PTH2R: variants seen among roughly 807,000 people sequenced by gnomAD.
The protein encoded by PTH2R is PTH2 receptor.
PTH2R carries 59 observed loss-of-function variants against 60.3 expected under a neutral mutation model. That is an observed-to-expected ratio of 0.98 (90% CI 0.79 to 1.22). The LOEUF is 1.22. Ranked by LOEUF, PTH2R falls within the 50% of genes most tolerant of loss-of-function variation. The probability of loss-of-function intolerance (pLI) is 0.00; values close to 1 mark genes in which losing one functional copy is unlikely to be tolerated. For synonymous variants in PTH2R, 256 were observed against 243.8 expected, an observed-to-expected ratio of 1.05 and a Z score of -0.47; for missense variants, 749 against 682.6, an observed-to-expected ratio of 1.10 and a Z score of -1.08.
At chr2:208,391,747 C>T (rs1429364353) in intron 1 of PTH2R, among the ~76,000 whole-genome samples, 2 of 152,194 alleles carry the variant, frequency 1.3e-5, no homozygotes, top group African/African-American at 4.8e-5. Context: ...GCTTAATCCG[C>T]TCTTTCCCTA....
At chr2:208,490,588 T>A in intron 11 of PTH2R, 51 bp from the exon 12 acceptor site, 1 of 1,580,398 alleles carries the variant, frequency 6.3e-7, no homozygotes. Context: ...GATGCTTAAG[T>A]GCTGTGAGTT....
chr2:208,459,799 G>A, intron 8 of PTH2R, 96 bp from the exon 9 acceptor site: 1 of 936,326 alleles, frequency 1.1e-6, no homozygotes, highest in African/African-American at 1.7e-5. Flanking sequence ...AATTGGAAGT[G>A]TGGGGTTGGA....
At chr2:208,481,280 A>C in intron 10 of PTH2R, 116 bp downstream of exon 10, 1 of 512,192 alleles carries the variant, frequency 2.0e-6, no homozygotes, top group Non-Finnish European at 3.3e-6. Flanking sequence ...GTGCAATGGC[A>C]CAATCTCGGC....
intron 1 of PTH2R, among the ~76,000 whole-genome samples, chr2:208,377,703 G>T (rs921339870): frequency 1.3e-5 from 2 of 150,836 alleles, no homozygotes; most frequent in Non-Finnish European, 3.0e-5. Context: ...AGACGGGGTG[G>T]CCGGGCAGAG....
At chr2:208,426,860 A>G (rs898011138) in intron 1 of PTH2R, among the ~76,000 whole-genome samples, 30 of 152,168 alleles carry the variant, frequency 2.0e-4, no homozygotes, top group African/African-American at 6.5e-4. Flanking sequence ...GTGAGAATGG[A>G]CTAATACAAT....
chr2:208,384,246 G>A (rs951460159), intron 1 of PTH2R, among the ~76,000 whole-genome samples: 1 of 152,194 alleles, frequency 6.6e-6, no homozygotes, highest in Admixed American at 6.5e-5. Context: ...TTGGTAGAAA[G>A]AGACGGGGAG....
At chr2:208,391,714 G>A (rs1273806007) in intron 1 of PTH2R, among the ~76,000 whole-genome samples, 2 of 152,000 alleles carry the variant, frequency 1.3e-5, no homozygotes, top group Non-Finnish European at 2.9e-5. Context: ...TGAGAGTTTT[G>A]GGGAGGGAGA....
intron 9 of PTH2R, among the ~76,000 whole-genome samples, chr2:208,460,932 C>G (rs1702621141): frequency 6.6e-6 from 1 of 152,086 alleles, no homozygotes. Context: ...GTGTCACCTA[C>G]TTTGTCAGAA....
At chr2:208,403,727 T>G (rs1701350998), upstream of PTH2R, among the ~76,000 whole-genome samples, 1 of 152,210 alleles carries the variant, frequency 6.6e-6, no homozygotes, top group Non-Finnish European at 1.5e-5. Flanking sequence ...TGGTATCAAC[T>G]GAGGCAGCTG....
chr2:208,376,771 C>G (rs148612620), intron 1 of PTH2R, among the ~76,000 whole-genome samples: 1 of 152,058 alleles, frequency 6.6e-6, no homozygotes, highest in East Asian at 1.9e-4. Flanking sequence ...GGGCTCTATT[C>G]TCTGCAGCAC....
In PTH2R at chr2:208,481,167, A is replaced by T; in HGVS notation, c.1076+3A>T. The T allele has an allele frequency of 6.3e-7, 1 of 1,589,048 alleles. No homozygotes were observed. Among genetic ancestry groups the T allele is most frequent in the Non-Finnish European group, 8.6e-7 (1 of 1,160,780 alleles). ...CATGACACAAGGAAGCAATACAGGT[A>T]ATTTCAGGAGAGGCATCCATCAGAG... On this transcript the variant is annotated splice_donor_region_variant and intron_variant, in intron 10 of 12. Transcript: ENST00000272847.
intron 2 of PTH2R, among the ~76,000 whole-genome samples, chr2:208,429,245 A>G (rs925991890): frequency 1.3e-5 from 2 of 151,672 alleles, no homozygotes; most frequent in African/African-American, 4.9e-5. Context: ...TGGTTCATAT[A>G]TTCTGCATCC....
At chr2:208,412,143 C>T (rs370477933) in intron 1 of PTH2R, among the ~76,000 whole-genome samples, 5 of 152,304 alleles carry the variant, frequency 3.3e-5, no homozygotes, top group Admixed American at 1.3e-4. Flanking sequence ...CTTCATAACA[C>T]TGATAGCTGT....
intron 1 of PTH2R, among the ~76,000 whole-genome samples, chr2:208,415,936 T>A (rs1701631549): frequency 6.6e-6 from 1 of 152,196 alleles, no homozygotes. Context: ...AGAAAATAGC[T>A]AGTTTAAAAC....
chr2:208,397,870 T>G (rs980748566), intron 1 of PTH2R, among the ~76,000 whole-genome samples: 1 of 152,230 alleles, frequency 6.6e-6, no homozygotes, highest in Admixed American at 6.5e-5. Context: ...GGACCTAGTT[T>G]CTAATGGCCT....
At chr2:208,382,398 C>T (rs1700931487) in intron 1 of PTH2R, among the ~76,000 whole-genome samples, 1 of 151,298 alleles carries the variant, frequency 6.6e-6, no homozygotes, top group Non-Finnish European at 1.5e-5. Context: ...AAACTATTTT[C>T]CATAATGGCT....
intron 8 of PTH2R, among the ~76,000 whole-genome samples, chr2:208,451,769 A>T (rs1404715220): frequency 6.6e-6 from 1 of 152,202 alleles, no homozygotes; most frequent in African/African-American, 2.4e-5. Flanking sequence ...GCATGGAGCT[A>T]ATTTAATGTG....
chr2:208,382,030 G>A (rs1700924423), intron 1 of PTH2R, among the ~76,000 whole-genome samples: 1 of 151,998 alleles, frequency 6.6e-6, no homozygotes, highest in African/African-American at 2.4e-5. Flanking sequence ...TTAGGGGAGT[G>A]GTATCCACAG....
chr2:208,460,905 G>C (rs1174169562), intron 9 of PTH2R, among the ~76,000 whole-genome samples: 2 of 152,066 alleles, frequency 1.3e-5, no homozygotes, highest in East Asian at 3.9e-4. Context: ...TATTCTTCTT[G>C]TTTTCTTTTG....
Sources: gnomAD v4.1 joint callset for allele counts (sites outside exome capture counted in the v4.1 genomes callset) on GRCh38, gnomAD v4.1.1 for gene constraint, MANE v1.5 for transcripts, NCBI Gene and HGNC (gene_info 2026-07-23, HGNC 2026-07-21) for gene names.